Variants in PELI2 observed in about 807,000 individuals in gnomAD.
The protein encoded by PELI2 is pellino E3 ubiquitin protein ligase family member 2, also known as E3 ubiquitin-protein ligase pellino homolog 2.
In PELI2, 23 loss-of-function variants were observed where a neutral mutation model predicts 42.3. That is an observed-to-expected ratio of 0.54 (90% CI 0.39 to 0.77). PELI2 has a LOEUF of 0.77. PELI2 is among the 30% of genes least tolerant of loss of function. The pLI is 0.00. For synonymous variants in PELI2, 245 were observed against 212.2 expected (o/e 1.15, Z -1.34); for missense variants, 463 against 553.2 (o/e 0.84, Z 1.64).
intron 3 of PELI2, among the ~76,000 whole-genome samples, chr14:56,284,559 T>G (rs761768816): frequency 2.6e-5 from 4 of 152,198 alleles, no homozygotes; most frequent in Non-Finnish European, 5.9e-5. Context: ...TTGGTTTGGT[T>G]TGGTTTTCAA....
chr14:56,178,817 A>G (rs1277768993), intron 2 of PELI2, among the ~76,000 whole-genome samples: 1 of 152,172 alleles, frequency 6.6e-6, no homozygotes, highest in Non-Finnish European at 1.5e-5. Context: ...GCTAGCATTT[A>G]TTGATTTGGA....
Position 56,296,854 on chromosome 14 carries a change from C to T in PELI2, c.951C>T (p.His317=), listed in dbSNP as rs142576970. 131 of 1,614,116 alleles carry T rather than the reference C, an allele frequency of 8.1e-5. No individual in the cohort carries two copies. Among genetic ancestry groups the T allele is most frequent in the Middle Eastern group, 1.6e-4 (1 of 6,062 alleles). ...PWAYLSCGHV[H]GYHNWGHRSD... ...CATATCTCAGTTGTGGCCACGTGCACGGGTACCACAACTGGGGCCATCGGA... is the reference window on the plus strand; with the variant it reads ...CATATCTCAGTTGTGGCCACGTGCATGGGTACCACAACTGGGGCCATCGGA... Residue 317 remains histidine (H), a synonymous_variant, in exon 6 of 6, where the codon CAC becomes CAT. Transcript: ENST00000267460.
intron 4 of PELI2, 118 bp from the exon 5 acceptor site, chr14:56,290,150 G>A (rs906717378): frequency 7.0e-6 from 5 of 714,200 alleles, no homozygotes; most frequent in Non-Finnish European, 1.1e-5. Context: ...AATAGAAAAT[G>A]AAAATTCATC....
chr14:56,150,346 G>A (rs1884299267), intron 1 of PELI2, among the ~76,000 whole-genome samples: 1 of 152,188 alleles, frequency 6.6e-6, no homozygotes, highest in African/African-American at 2.4e-5. Flanking sequence ...GTATTTTAAT[G>A]AATGCTATGT....
At chr14:56,263,846 T>C (rs1402179477) in intron 2 of PELI2, among the ~76,000 whole-genome samples, 1 of 152,164 alleles carries the variant, frequency 6.6e-6, no homozygotes, top group Non-Finnish European at 1.5e-5. Context: ...AGTGATCATA[T>C]AAAATACAGG....
intron 2 of PELI2, among the ~76,000 whole-genome samples, chr14:56,192,734 T>G (rs1043705472): frequency 6.6e-6 from 1 of 152,220 alleles, no homozygotes; most frequent in Non-Finnish European, 1.5e-5. Flanking sequence ...ATAATGTTAC[T>G]CAACTCATAG....
chr14:56,299,619 T>C lies in PELI2; in HGVS notation c.*2453T>C, dbSNP rs1042129627. On this transcript the variant is annotated 3_prime_UTR_variant, in exon 6 of 6. Coordinates refer to ENST00000267460, the MANE Select transcript of PELI2 (RefSeq NM_021255.3). ...ATTTTGACTAAGGAGATTTTTTTTTTCACAGTTGAGTTAGTTTGTGAAAAT... is the reference window on the plus strand; with the variant it reads ...ATTTTGACTAAGGAGATTTTTTTTTCCACAGTTGAGTTAGTTTGTGAAAAT... 2.0e-5 allele frequency: 3 copies of C among 152,108 alleles called. No individual in the cohort carries two copies. The highest frequency in any genetic ancestry group is 4.4e-5 in the Non-Finnish European group (3 of 68,038). The allele number at this position is 152,108 out of a possible 1,614,324, so 9.4% of individuals were successfully genotyped here.
chr14:56,266,020 A>G (rs1888890393), intron 2 of PELI2, among the ~76,000 whole-genome samples: 1 of 152,054 alleles, frequency 6.6e-6, no homozygotes, highest in Non-Finnish European at 1.5e-5. Context: ...ATATCATTAA[A>G]ACTGAATACT....
intron 1 of PELI2, among the ~76,000 whole-genome samples, chr14:56,131,489 T>C (rs1210615631): frequency 6.6e-6 from 1 of 152,216 alleles, no homozygotes; most frequent in East Asian, 1.9e-4. Context: ...AGATGTTATA[T>C]GGGAAAAACC....
chr14:56,177,457 T>C (rs910613856), intron 1 of PELI2, among the ~76,000 whole-genome samples: 1 of 152,202 alleles, frequency 6.6e-6, no homozygotes, highest in Non-Finnish European at 1.5e-5. Flanking sequence ...TTATTTTTTT[T>C]CTTGAAAAGA....
chr14:56,251,871 A>G (rs1888356207), intron 2 of PELI2, among the ~76,000 whole-genome samples: 1 of 152,206 alleles, frequency 6.6e-6, no homozygotes, highest in South Asian at 2.1e-4. Context: ...TTAGCTATTC[A>G]ATTTGTATTC....
chr14:56,243,108 G>GGAAATCAAGAAA (rs552290816), intron 2 of PELI2, among the ~76,000 whole-genome samples: 1 of 152,192 alleles, frequency 6.6e-6, no homozygotes, highest in African/African-American at 2.4e-5. Flanking sequence ...CTAGATGTCT[G>GGAAATCAAGAAA]TCTGGTTGAT....
At chr14:56,202,551 G>A (rs1886367825) in intron 2 of PELI2, among the ~76,000 whole-genome samples, 1 of 152,122 alleles carries the variant, frequency 6.6e-6, no homozygotes, top group African/African-American at 2.4e-5. Flanking sequence ...CTGGCTCTGT[G>A]TCTTTCCCAT....
chr14:56,127,876 AT>A (rs1883335705), intron 1 of PELI2, among the ~76,000 whole-genome samples: 1 of 152,210 alleles, frequency 6.6e-6, no homozygotes, highest in African/African-American at 2.4e-5. Flanking sequence ...TGTAAAAGAA[AT>A]TTAAATAATT....
intron 2 of PELI2, among the ~76,000 whole-genome samples, chr14:56,232,194 G>A (rs1356837383): frequency 6.6e-6 from 1 of 152,088 alleles, no homozygotes; most frequent in Non-Finnish European, 1.5e-5. Flanking sequence ...AGAGGAGCTG[G>A]TACCATTCCT....
At chr14:56,164,413 T>A (rs184832515) in intron 1 of PELI2, among the ~76,000 whole-genome samples, 5 of 152,312 alleles carry the variant, frequency 3.3e-5, no homozygotes, top group African/African-American at 7.2e-5. Flanking sequence ...GTGAATGTTC[T>A]TTCTAATGTA....
At chr14:56,158,913 A>G (rs1367997765) in intron 1 of PELI2, among the ~76,000 whole-genome samples, 1 of 152,342 alleles carries the variant, frequency 6.6e-6, no homozygotes, top group Middle Eastern at 3.4e-3. Context: ...TCTTTAATAT[A>G]TACTCATTTT....
intron 1 of PELI2, among the ~76,000 whole-genome samples, chr14:56,127,865 G>A (rs926037969): frequency 1.3e-5 from 2 of 152,176 alleles, no homozygotes; most frequent in Non-Finnish European, 2.9e-5. Context: ...GATCAACTGA[G>A]TGTAAAAGAA....
intron 1 of PELI2, among the ~76,000 whole-genome samples, chr14:56,134,741 A>T (rs997987360): frequency 2.4e-4 from 37 of 151,836 alleles, no homozygotes; most frequent in Non-Finnish European, 4.6e-4. Context: ...TTTAAAAAAA[A>T]TCATTATGAG....
Sources: gnomAD v4.1 joint callset for allele counts (sites outside exome capture counted in the v4.1 genomes callset) on GRCh38, gnomAD v4.1.1 for gene constraint, MANE v1.5 for transcripts, NCBI Gene and HGNC (gene_info 2026-07-23, HGNC 2026-07-21) for gene names.